The following SRPK1 variants were observed in gnomAD, a reference collection of about 807,000 sequenced individuals.
SRPK1 encodes the protein SFRS protein kinase 1.
Under a neutral mutation model 89.5 loss-of-function variants are expected in SRPK1, and 52 were observed. The observed-to-expected ratio is 0.58, with a 90% confidence interval of 0.46 to 0.73. SRPK1 has a LOEUF of 0.73. Ranked by LOEUF, SRPK1 falls within the 30% of genes least tolerant of loss-of-function variation. SRPK1 has a pLI of 0.00. For missense variants in SRPK1, 603 were observed against 780.6 expected (o/e 0.77, Z 2.71); for synonymous variants, 255 against 270.2 (o/e 0.94, Z 0.55).
intron 2 of SRPK1, among the ~76,000 whole-genome samples, chr6:35,919,070 C>T (rs540990344): frequency 6.6e-6 from 1 of 152,314 alleles, no homozygotes; most frequent in Non-Finnish European, 1.5e-5. Flanking sequence ...AGAAAAGTAA[C>T]ATTTCAAGTC....
At chr6:35,862,263 G>C (rs1270291294) in intron 12 of SRPK1, among the ~76,000 whole-genome samples, 7 of 151,906 alleles carry the variant, frequency 4.6e-5, no homozygotes, top group Non-Finnish European at 4.4e-5. Flanking sequence ...AACGCTCTGG[G>C]GCCTAAAAAC....
At chr6:35,851,190 C>CTT (rs532327162) in intron 13 of SRPK1, among the ~76,000 whole-genome samples, 8 of 136,668 alleles carry the variant, frequency 5.9e-5, no homozygotes, top group African/African-American at 2.2e-4. Flanking sequence ...TTTTTTTTTT[C>CTT]TTTTTTTTTT....
Position 35,838,431 on chromosome 6 carries a change from T to C in SRPK1, c.1691-2A>G, listed in dbSNP as rs1259563552. ...GTTCTATGATCAATGCAATGTGATC[T>C]GTATATTTCAAACATTTCAAGAGGG... On this transcript the variant is annotated splice_acceptor_variant, in intron 14 of 15. Transcript: ENST00000373825. LOFTEE classifies it high-confidence loss of function. 3.8e-6 allele frequency: 6 copies of C among 1,577,566 alleles called. No individual in the cohort carries two copies. Among genetic ancestry groups the C allele is most frequent in the Non-Finnish European group, 5.1e-6 (6 of 1,169,374 alleles).
chr6:35,860,923 C>G (rs115645685), intron 12 of SRPK1, among the ~76,000 whole-genome samples: 1 of 151,940 alleles, frequency 6.6e-6, no homozygotes, highest in Non-Finnish European at 1.5e-5. Context: ...AGGAGTTGTA[C>G]GTGAAGAGGA....
At chr6:35,855,154 T>G (rs1029491601) in intron 13 of SRPK1, among the ~76,000 whole-genome samples, 8 of 151,908 alleles carry the variant, frequency 5.3e-5, no homozygotes, top group African/African-American at 1.9e-4. Flanking sequence ...ACAAAAAAAT[T>G]AGCCAGGCAT....
In SRPK1 at chr6:35,834,584, T is replaced by C. The variant is rs1769136147; in HGVS notation, c.*720A>G. 6.6e-6 allele frequency: 1 copy of C among 152,224 alleles called. No individual in the cohort carries two copies. Among genetic ancestry groups the C allele is most frequent in the Non-Finnish European group, 1.5e-5 (1 of 68,030 alleles). 9.4% of individuals were successfully genotyped at this position (152,224 alleles called of 1,614,324 possible). A position where few individuals can be genotyped will look rare whatever the true frequency, so the allele number is the denominator to read the frequency against. On this transcript the variant is annotated 3_prime_UTR_variant, in exon 16 of 16. Transcript: ENST00000373825. ...AAGACATACAGGAAAGGACTGTTTA[T>C]AGAACACCTGAGGTTCTCAAGAAAT... is the stretch of plus-strand genomic sequence containing the variant.
intron 6 of SRPK1, among the ~76,000 whole-genome samples, chr6:35,883,049 C>T (rs571374095): frequency 3.0e-4 from 46 of 152,266 alleles, no homozygotes; most frequent in Middle Eastern, 3.4e-3. Flanking sequence ...CCTCGTGATC[C>T]GCCCGCTTTG....
chr6:35,895,458 T>C (rs1048534200), intron 2 of SRPK1, among the ~76,000 whole-genome samples: 3 of 152,056 alleles, frequency 2.0e-5, no homozygotes, highest in Admixed American at 2.0e-4. Context: ...TGTGTGTGTG[T>C]GTGTGTGTGT....
Position 35,870,269 on chromosome 6 carries a change from T to C in SRPK1, c.991+12A>G, listed in dbSNP as rs2301508. 1.8e-5 allele frequency: 29 copies of C among 1,607,926 alleles called. No homozygotes were observed. In the East Asian group the frequency reaches 6.5e-4, roughly 36 times the overall value. Reference sequence around the variant, plus strand: ...GTGTTGTACAGTAATTTTCGTGATGTTCTATTTATACCAAGTTTTTCTTGG... The same window carrying C: ...GTGTTGTACAGTAATTTTCGTGATGCTCTATTTATACCAAGTTTTTCTTGG... On this transcript the variant is annotated intron_variant, in intron 10 of 15. Transcript: ENST00000373825.
chr6:35,881,795 C>T (rs1770297166), intron 6 of SRPK1, among the ~76,000 whole-genome samples: 1 of 151,726 alleles, frequency 6.6e-6, no homozygotes, highest in East Asian at 1.9e-4. Context: ...AATAGTTCTA[C>T]AATAATAGTT....
In SRPK1 at chr6:35,920,359, C is replaced by T. The variant is rs748514194; in HGVS notation, c.74+109G>A. 4 of 1,241,586 alleles carry T rather than the reference C, an allele frequency of 3.2e-6. No homozygotes were observed. In the Admixed American group the frequency reaches 6.9e-5, roughly 21 times the overall value. The allele number at this position is 1,241,586 out of a possible 1,614,324, so 76.9% of individuals were successfully genotyped here. ...TCCGAGCTGCCCCGAGGCCATGTGG[C>T]TGCAGCCACAGGGTGCCCAAACCCG... is the stretch of plus-strand genomic sequence containing the variant. On this transcript the variant is annotated intron_variant, in intron 2 of 15. Transcript: ENST00000373825.
At chr6:35,895,166 CAA>C (rs990337303) in intron 2 of SRPK1, among the ~76,000 whole-genome samples, 2 of 151,764 alleles carry the variant, frequency 1.3e-5, no homozygotes, top group African/African-American at 4.8e-5. Context: ...AAAATCTAAA[CAA>C]AAAAAGTTAT....
In SRPK1 at chr6:35,869,691, T is replaced by G; in HGVS notation, c.1202A>C (p.Gln401Pro). The change falls in exon 11 of 16, where the codon CAA becomes CCA. Residue 401 changes from glutamine (Q) to proline (P), a missense_variant. By Grantham distance (76) the Gln-to-Pro change is moderately conservative. Coordinates refer to ENST00000373825, the MANE Select transcript of SRPK1 (RefSeq NM_003137.5). ...LNQESSFLSSQNGDSSTSQET... is the reference protein window; with the variant it reads ...LNQESSFLSSPNGDSSTSQET... The stretch of plus-strand genomic sequence containing the variant: ...TTGAGATGTGCTGCTGTCTCCATTT[T>G]GGGAGCTTAGGAAACTAGATTCCTG... 4 of 1,613,950 alleles carry G rather than the reference T, an allele frequency of 2.5e-6. No individual in the cohort carries two copies. The highest frequency in any genetic ancestry group is 3.4e-6 in the Non-Finnish European group (4 of 1,179,792).
chr6:35,920,972 G>C, intron 1 of SRPK1, 72 bp downstream of exon 1: 1 of 1,493,676 alleles, frequency 6.7e-7, no homozygotes, highest in Non-Finnish European at 8.9e-7. Context: ...GTTAAGCGAA[G>C]CTCCCGGCGC....
chr6:35,850,131 T>C (rs1356225367), intron 13 of SRPK1, among the ~76,000 whole-genome samples: 1 of 152,124 alleles, frequency 6.6e-6, no homozygotes, highest in African/African-American at 2.4e-5. Context: ...GTTTTAACTA[T>C]AACGATGTTT....
chr6:35,904,562 A>G (rs898348678), intron 2 of SRPK1, among the ~76,000 whole-genome samples: 1 of 152,120 alleles, frequency 6.6e-6, no homozygotes, highest in African/African-American at 2.4e-5. Context: ...GCACTTTGGG[A>G]GGCCGAGGCA....
chr6:35,885,298 C>CACACAG lies in SRPK1; in HGVS notation c.478+1425_478+1426insCTGTGT, dbSNP rs1276672274. Among the ~76,000 whole-genome samples, 318 of 113,132 alleles carry CACACAG rather than the reference C, an allele frequency of 2.8e-3. 1 individual carries two copies. The highest frequency in any genetic ancestry group is 5.3e-3 in the African/African-American group (145 of 27,536). 74.2% of individuals were successfully genotyped at this position (113,132 alleles called of 152,430 possible). ...ACACACACACACACACACACACACA[C>CACACAG]AGAGAGAGAGAGAGAGAGAGAGAGA... On this transcript the variant is annotated intron_variant, in intron 6 of 15. Coordinates refer to ENST00000373825, the MANE Select transcript of SRPK1 (RefSeq NM_003137.5).
intron 15 of SRPK1, among the ~76,000 whole-genome samples, chr6:35,838,118 T>A (rs1769223432): frequency 6.6e-6 from 1 of 152,122 alleles, no homozygotes. Context: ...TTCGCCCACC[T>A]TGGTCTCCCA....
intron 2 of SRPK1, among the ~76,000 whole-genome samples, chr6:35,917,387 C>T (rs1450751852): frequency 6.6e-6 from 1 of 152,166 alleles, no homozygotes; most frequent in East Asian, 1.9e-4. Flanking sequence ...GGTTCAAATC[C>T]CAGCTTTGCA....
Sources: allele counts gnomAD v4.1 joint callset (sites outside exome capture counted in the v4.1 genomes callset), GRCh38; gene constraint gnomAD v4.1.1; transcripts MANE v1.5; gene names NCBI Gene and HGNC (gene_info 2026-07-23, HGNC 2026-07-21).